The following ASTN2 variants were observed in gnomAD, a reference collection of about 807,000 sequenced individuals.
ASTN2 encodes astrotactin-2.
ASTN2 carries 54 observed loss-of-function variants against 139.8 expected under a neutral mutation model. The ratio of observed to expected loss-of-function variants is 0.39; its 90% CI spans 0.31 to 0.48. ASTN2 has a LOEUF of 0.48. ASTN2 is among the 20% of genes least tolerant of loss of function. The probability of loss-of-function intolerance (pLI) is 0.95; values close to 1 mark genes in which losing one functional copy is unlikely to be tolerated. For synonymous variants in ASTN2, 756 were observed against 719.5 expected (o/e 1.05, Z -0.81); for missense variants, 1,565 against 1,725.1 (o/e 0.91, Z 1.64).
intron 12 of ASTN2, among the ~76,000 whole-genome samples, chr9:116,809,471 T>A (rs551465129): frequency 6.6e-6 from 1 of 152,334 alleles, no homozygotes; most frequent in African/African-American, 2.4e-5. Context: ...TTTTAATTAC[T>A]ATAGCTTTAT....
At chr9:117,330,438 T>A (rs1210545970) in intron 1 of ASTN2, among the ~76,000 whole-genome samples, 1 of 152,310 alleles carries the variant, frequency 6.6e-6, no homozygotes, top group Admixed American at 6.5e-5. Context: ...GAGCATTGGT[T>A]TGTGATCTCC....
chr9:116,462,362 A>G (rs966291576), intron 20 of ASTN2, among the ~76,000 whole-genome samples: 3 of 152,210 alleles, frequency 2.0e-5, no homozygotes, highest in African/African-American at 7.2e-5. Context: ...ATACAGAGCA[A>G]TGATTCAAAC....
At chr9:116,723,043 T>C (rs1482842269) in intron 16 of ASTN2, among the ~76,000 whole-genome samples, 3 of 152,066 alleles carry the variant, frequency 2.0e-5, no homozygotes, top group African/African-American at 7.2e-5. Context: ...CGGGCGCCTG[T>C]AGTCCCAGCT....
intron 10 of ASTN2, among the ~76,000 whole-genome samples, chr9:116,883,102 T>G (rs1158571972): frequency 2.0e-5 from 3 of 152,222 alleles, no homozygotes; most frequent in Admixed American, 2.0e-4. Context: ...CGTCACAGCA[T>G]TGTTTATAAT....
chr9:116,845,424 G>A (rs555948029), intron 11 of ASTN2, among the ~76,000 whole-genome samples: 1 of 152,306 alleles, frequency 6.6e-6, no homozygotes, highest in African/African-American at 2.4e-5. Flanking sequence ...AGTAGAAAAT[G>A]TGAGAGTTCC....
At chr9:116,426,201 T>TGGAGTAGATAGGA in intron 22 of ASTN2, 113 bp from the exon 23 acceptor site, 4 of 1,346,722 alleles carry the variant, frequency 3.0e-6, no homozygotes, top group Non-Finnish European at 4.1e-6. Flanking sequence ...ATTTCCTATC[T>TGGAGTAGATAGGA]ACTCCAGATT....
chr9:117,197,735 G>A (rs893139579), intron 3 of ASTN2, among the ~76,000 whole-genome samples: 1 of 152,180 alleles, frequency 6.6e-6, no homozygotes, highest in Non-Finnish European at 1.5e-5. Context: ...GAATGAACAG[G>A]CAAGGGTAGA....
At chr9:117,197,553 C>A (rs572907722) in intron 3 of ASTN2, 12 of 152,144 alleles carry the variant, frequency 7.9e-5, no homozygotes, top group Non-Finnish European at 1.8e-4. Context: ...ACCCCACTGA[C>A]TCCATTAATA....
At chr9:117,254,120 T>C (rs1449117734) in intron 2 of ASTN2, among the ~76,000 whole-genome samples, 2 of 152,136 alleles carry the variant, frequency 1.3e-5, no homozygotes, top group African/African-American at 2.4e-5. Context: ...ACTCCAACTA[T>C]GCGAGCCTCA....
intron 3 of ASTN2, chr9:117,181,159 C>T (rs1041767008): frequency 1.4e-5 from 10 of 725,812 alleles, no homozygotes; most frequent in Admixed American, 3.9e-5. Flanking sequence ...GCACAATGGG[C>T]CCCCATGAGG....
intron 5 of ASTN2, among the ~76,000 whole-genome samples, chr9:117,055,785 A>G (rs1020452042): frequency 6.6e-6 from 1 of 152,258 alleles, no homozygotes; most frequent in African/African-American, 2.4e-5. Context: ...GGTAGTTTCC[A>G]AATTGTTCCC....
intron 3 of ASTN2, among the ~76,000 whole-genome samples, chr9:117,158,727 G>A (rs958507772): frequency 1.3e-5 from 2 of 151,970 alleles, no homozygotes; most frequent in Admixed American, 6.6e-5. Context: ...AATGTGCAGG[G>A]GGGCTTGTGG....
At chr9:116,570,429 C>T (rs997661779) in intron 19 of ASTN2, among the ~76,000 whole-genome samples, 1 of 151,992 alleles carries the variant, frequency 6.6e-6, no homozygotes, top group Non-Finnish European at 1.5e-5. Flanking sequence ...CACTCGGTCG[C>T]CCCGGCTCCA....
chr9:117,414,982 GCGGTGGCGA>G lies in ASTN2; in HGVS notation c.-53_-45del, dbSNP rs1373724763. On this transcript the variant is annotated 5_prime_UTR_variant, in exon 1 of 23. Coordinates refer to ENST00000313400, the MANE Select transcript of ASTN2 (RefSeq NM_001365068.1). The surrounding 1 kb of genome is among the most constrained non-coding windows in gnomAD (Gnocchi z 4.2). ...GCTGCGGGCGGCGGCGGCGGTGGCG[GCGGTGGCGA>G]AGGAGGAAGAGGAGGCAGCTGCGGA... is the stretch of plus-strand genomic sequence containing the variant. The G allele has an allele frequency of 4.6e-6, 1 of 216,248 alleles. No homozygotes were observed. Among genetic ancestry groups the G allele is most frequent in the East Asian group, 1.5e-4 (1 of 6,754 alleles). 13.4% of individuals were successfully genotyped at this position (216,248 alleles called of 1,614,324 possible).
intron 16 of ASTN2, among the ~76,000 whole-genome samples, chr9:116,688,980 T>C (rs1243172150): frequency 1.3e-5 from 2 of 152,140 alleles, no homozygotes; most frequent in African/African-American, 4.8e-5. Flanking sequence ...TAGGAGACAT[T>C]AGGCAATGTC....
intron 6 of ASTN2, among the ~76,000 whole-genome samples, chr9:117,009,546 A>T (rs1349193226): frequency 6.6e-6 from 1 of 152,172 alleles, no homozygotes; most frequent in Non-Finnish European, 1.5e-5. Context: ...ACCCAAACAG[A>T]ACCAGGCTTC....
intron 19 of ASTN2, among the ~76,000 whole-genome samples, chr9:116,512,574 G>A (rs187167774): frequency 4.5e-4 from 68 of 152,206 alleles, no homozygotes; most frequent in African/African-American, 1.4e-3. Context: ...TTTCTGTCTC[G>A]TTGATCTGTC....
In ASTN2 at chr9:116,993,324, C is replaced by T. The variant is rs143992074; in HGVS notation, c.1591+14768G>A. Among the ~76,000 whole-genome samples, 130 of 152,138 alleles carry T rather than the reference C, an allele frequency of 8.5e-4. No individual in the cohort carries two copies. The East Asian group carries it at 0.024, about 28-fold the overall frequency. On this transcript the variant is annotated intron_variant, in intron 7 of 22. Coordinates refer to ENST00000313400, the MANE Select transcript of ASTN2 (RefSeq NM_001365068.1). ...CCTTTGCACAGCCTGTTCCCTTTAC[C>T]TACACTATGCTTTCCCCAGATATCC...
At chr9:117,017,753 C>T (rs1837759007) in intron 6 of ASTN2, among the ~76,000 whole-genome samples, 1 of 152,010 alleles carries the variant, frequency 6.6e-6, no homozygotes, top group Admixed American at 6.6e-5. Flanking sequence ...GTATATCTGT[C>T]TGTATATACA....
Sources: gnomAD v4.1 joint callset for allele counts (sites outside exome capture counted in the v4.1 genomes callset) on GRCh38, gnomAD v4.1.1 for gene constraint, Gnocchi (gnomAD v3.1) non-coding constraint, MANE v1.5 for transcripts, NCBI Gene and HGNC (gene_info 2026-07-23, HGNC 2026-07-21) for gene names.